DGKK: variants seen among roughly 807,000 people sequenced by gnomAD.
The protein encoded by DGKK is 142 kDa diacylglycerol kinase.
A neutral mutation model predicts 92.2 loss-of-function variants in DGKK; 35 were observed. The ratio of observed to expected loss-of-function variants is 0.38; its 90% confidence interval spans 0.29 to 0.50. The LOEUF is 0.50. Among genes scored for constraint, DGKK ranks in the 20% least tolerant of loss-of-function variants. The pLI is 0.92. For synonymous variants in DGKK, 368 were observed against 360.6 expected (o/e 1.02, Z -0.23); for missense variants, 910 against 992.2 (o/e 0.92, Z 1.11).
At chrX:50,382,408 G>C in intron 18 of DGKK, 88 bp downstream of exon 18, 1 of 654,792 alleles carries the variant, frequency 1.5e-6, no homozygotes, top group Admixed American at 3.8e-5. Flanking sequence ...TCTTTCTGTT[G>C]CTTGTCTGAG....
intron 1 of DGKK, among the ~76,000 whole-genome samples, chrX:50,447,367 TA>T (rs1487671819): frequency 1.4e-4 from 2 of 13,954 alleles, no homozygotes; most frequent in South Asian, 2.4e-3. Context: ...AATATATATA[TA>T]TTATATATAT....
chrX:50,450,772 T>C (rs1926476721), intron 1 of DGKK, among the ~76,000 whole-genome samples: 1 of 111,569 alleles, frequency 9.0e-6, no homozygotes, highest in Non-Finnish European at 1.9e-5. Context: ...CTGTCTTCAT[T>C]TCACCTAGAG....
Position 50,368,800 on chromosome X carries a change from G to T in DGKK, c.*140C>A. On this transcript the variant is annotated 3_prime_UTR_variant, in exon 28 of 28. Coordinates refer to ENST00000611977, the MANE Select transcript of DGKK (RefSeq NM_001013742.4). ...GAGACCAGATTAAGTCCAGGAAAAT[G>T]CATTAGTGAAAAGAATTGGAGGGTC... 1 of 484,066 alleles carries T rather than the reference G, an allele frequency of 2.1e-6. No homozygotes were observed. Among genetic ancestry groups the T allele is most frequent in the Non-Finnish European group, 3.4e-6 (1 of 293,334 alleles). 39.9% of individuals were successfully genotyped at this position (484,066 alleles called of 1,213,427 possible). A position where few individuals can be genotyped will look rare whatever the true frequency, so the allele number is the denominator to read the frequency against.
At chrX:50,370,983 A>T (rs782782076) in intron 26 of DGKK, among the ~76,000 whole-genome samples, 50 of 112,392 alleles carry the variant, frequency 4.4e-4, no homozygotes, top group Non-Finnish European at 9.4e-5. Flanking sequence ...TCAGACATAT[A>T]GTTTGGTGAG....
chrX:50,405,527 G>GGAGAGAGAGAGA (rs781903574), intron 4 of DGKK, among the ~76,000 whole-genome samples: 1 of 100,961 alleles, frequency 9.9e-6, no homozygotes, highest in Non-Finnish European at 2.0e-5. Flanking sequence ...GACAGTGGGG[G>GGAGAGAGAGAGA]GAGAGAGAGA....
rs781912466 is a variant in DGKK, at chrX:50,368,928, A to C, written c.*12T>G. ...AATTCTCAATGTTGTGAGTTCTTCCAGCTTTCAAGGGCTACAGTTGAGATC... is the reference window on the plus strand; with the variant it reads ...AATTCTCAATGTTGTGAGTTCTTCCCGCTTTCAAGGGCTACAGTTGAGATC... On this transcript the variant is annotated 3_prime_UTR_variant, in exon 28 of 28. Coordinates refer to ENST00000611977, the MANE Select transcript of DGKK (RefSeq NM_001013742.4). The C allele has an allele frequency of 8.3e-7, 1 of 1,201,036 alleles. No individual in the cohort carries two copies. The highest frequency in any genetic ancestry group is 1.1e-6 in the Non-Finnish European group (1 of 888,229).
In DGKK at chrX:50,373,227, T is replaced by C. The variant is rs782150461; in HGVS notation, c.3502-1393A>G. 2.2e-4 allele frequency among the ~76,000 whole-genome samples: 25 copies of C among 112,158 alleles called. No homozygotes were observed. In the South Asian group the frequency reaches 9.4e-3, roughly 42 times the overall value. On this transcript the variant is annotated intron_variant, in intron 25 of 27. Transcript: ENST00000611977. Reference sequence around the variant, plus strand: ...TCTGAGCTCCTTACTGCCCTACTTCTTCAAGGGGAGGAATAACACCCAAAT... The same window carrying C: ...TCTGAGCTCCTTACTGCCCTACTTCCTCAAGGGGAGGAATAACACCCAAAT...
chrX:50,403,859 C>T (rs1308131027), intron 5 of DGKK, among the ~76,000 whole-genome samples, 190 bp downstream of exon 5: 2 of 111,038 alleles, frequency 1.8e-5, no homozygotes, highest in African/African-American at 6.6e-5. Context: ...ATAGTCCCAT[C>T]CCCCCACACT....
At chrX:50,415,648 A>G (rs1925414837) in intron 4 of DGKK, among the ~76,000 whole-genome samples, 1 of 111,924 alleles carries the variant, frequency 8.9e-6, no homozygotes, top group South Asian at 3.8e-4. Flanking sequence ...GATCTCATGG[A>G]GCTTGCCTTG....
intron 1 of DGKK, among the ~76,000 whole-genome samples, chrX:50,454,574 T>A (rs943059920): frequency 1.1e-4 from 12 of 111,856 alleles, no homozygotes; most frequent in African/African-American, 3.9e-4. Flanking sequence ...AAGGTCCAAA[T>A]CCCTCTGCCT....
intron 1 of DGKK, among the ~76,000 whole-genome samples, chrX:50,460,307 G>C (rs1926712321): frequency 8.9e-6 from 1 of 111,954 alleles, no homozygotes; most frequent in Non-Finnish European, 1.9e-5. Flanking sequence ...TTTGCTGCAG[G>C]AGAAGGTAAA....
At chrX:50,457,599 TA>T (rs1225151869) in intron 1 of DGKK, among the ~76,000 whole-genome samples, 1 of 111,655 alleles carries the variant, frequency 9.0e-6, no homozygotes, top group Non-Finnish European at 1.9e-5. Flanking sequence ...TCTAAATAAA[TA>T]ATAAACAACG....
At chrX:50,432,348 C>T (rs1279975653) in intron 1 of DGKK, among the ~76,000 whole-genome samples, 1 of 112,490 alleles carries the variant, frequency 8.9e-6, no homozygotes, top group Admixed American at 9.4e-5. Flanking sequence ...TAGGCAAAAA[C>T]TTTAACCAGT....
In DGKK at chrX:50,370,957, A is replaced by G. The variant is rs781965331; in HGVS notation, c.3613-408T>C. On this transcript the variant is annotated intron_variant, in intron 26 of 27. Transcript: ENST00000611977. ...CATGGAATCTCTGCATGAATTAGGAAAAAACACCTCTTCCTTCAGACATAT... is the reference window on the plus strand; with the variant it reads ...CATGGAATCTCTGCATGAATTAGGAGAAAACACCTCTTCCTTCAGACATAT... Among the ~76,000 whole-genome samples, 5 of 112,567 alleles carry G rather than the reference A, an allele frequency of 4.4e-5. No homozygotes were observed. The East Asian group carries it at 1.4e-3, about 32-fold the overall frequency.
intron 25 of DGKK, 114 bp downstream of exon 25, chrX:50,374,857 G>T: frequency 1.7e-6 from 1 of 580,733 alleles, no homozygotes; most frequent in Non-Finnish European, 2.8e-6. Context: ...TTCCAGGCAA[G>T]CACCTGGCCA....
intron 8 of DGKK, 25 bp from the exon 9 acceptor site, chrX:50,393,360 GA>G: frequency 3.5e-6 from 4 of 1,145,374 alleles, no homozygotes; most frequent in Admixed American, 2.5e-5. Context: ...AGAAAAAGAA[GA>G]AAAAAAAGAA....
intron 25 of DGKK, 107 bp downstream of exon 25, chrX:50,374,864 G>A (rs781962424): frequency 1.2e-4 from 76 of 644,207 alleles, no homozygotes; most frequent in Non-Finnish European, 1.7e-4. Context: ...CAAGCACCTG[G>A]CCAAAATGCT....
intron 1 of DGKK, among the ~76,000 whole-genome samples, chrX:50,456,264 A>G (rs1384114644): frequency 1.8e-5 from 2 of 111,729 alleles, no homozygotes; most frequent in African/African-American, 3.3e-5. Flanking sequence ...TGTAATTAGT[A>G]GAACGCTATT....
chrX:50,411,867 T>C (rs1438282240), intron 4 of DGKK, among the ~76,000 whole-genome samples: 1 of 111,766 alleles, frequency 8.9e-6, no homozygotes, highest in African/African-American at 3.3e-5. Flanking sequence ...ATAAACAAAT[T>C]CAGTAAAGTT....
Sources: allele counts gnomAD v4.1 joint callset (sites outside exome capture counted in the v4.1 genomes callset), GRCh38; gene constraint gnomAD v4.1.1; transcripts MANE v1.5; gene names NCBI Gene and HGNC (gene_info 2026-07-23, HGNC 2026-07-21).